HSP90B1: variants seen among roughly 807,000 people sequenced by gnomAD.
The protein encoded by HSP90B1 is heat shock protein 90 beta family member 1, also known as endoplasmin.
A neutral mutation model predicts 100.4 loss-of-function variants in HSP90B1; 27 were observed. That is an observed-to-expected ratio of 0.27 (90% CI 0.20 to 0.37). HSP90B1 has a LOEUF of 0.37. HSP90B1 is among the 10% of genes least tolerant of loss of function. The pLI, the probability that HSP90B1 is intolerant of heterozygous loss-of-function variation, is 1.00. For synonymous variants in HSP90B1, 304 were observed against 330.8 expected, an observed-to-expected ratio of 0.92 and a Z score of 0.88; for missense variants, 678 against 960.5, an observed-to-expected ratio of 0.71 and a Z score of 3.89.
chr12:103,938,530 A>ATGC, intron 7 of HSP90B1, 71 bp downstream of exon 7: 1 of 1,522,282 alleles, frequency 6.6e-7, no homozygotes, highest in Non-Finnish European at 8.8e-7. Flanking sequence ...AAACCTAAGT[A>ATGC]TGCACTGGCT....
chr12:103,935,982 A>C (rs1869903355), intron 5 of HSP90B1, among the ~76,000 whole-genome samples: 1 of 152,246 alleles, frequency 6.6e-6, no homozygotes. Flanking sequence ...GCTAACACCT[A>C]TCCAGGACCT....
At chr12:103,932,693 T>C (rs1470500021) in intron 3 of HSP90B1, 133 bp from the exon 4 acceptor site, 1 of 682,944 alleles carries the variant, frequency 1.5e-6, no homozygotes, top group Non-Finnish European at 2.6e-6. Flanking sequence ...ATTGCATACC[T>C]GAAGATCACT....
Position 103,947,321 on chromosome 12 carries a change from A to G in HSP90B1, c.2273A>G (p.Glu758Gly), listed in dbSNP as rs755787354. 3 of 1,596,290 alleles carry G rather than the reference A, an allele frequency of 1.9e-6. No homozygotes were observed. The highest frequency in any genetic ancestry group is 2.6e-6 in the Non-Finnish European group (3 of 1,173,824). Residue 758 changes from glutamate to glycine, a missense_variant, in exon 17 of 18, where the codon GAG (glutamate) becomes GGG (glycine). Glu to Gly is a moderately conservative substitution (Grantham distance 98, BLOSUM62 -2). Coordinates refer to ENST00000299767, the MANE Select transcript of HSP90B1 (RefSeq NM_003299.3). ...NIDPDAKVEE[E>G]PEEEPEETAE... ...AAATGTTGTGTTTAGGTGGAAGAAG[A>G]GCCCGAAGAAGAACCTGAAGAGACA...
intron 8 of HSP90B1, among the ~76,000 whole-genome samples, chr12:103,940,027 G>T (rs1267977762): frequency 6.6e-6 from 1 of 152,176 alleles, no homozygotes; most frequent in Non-Finnish European, 1.5e-5. Flanking sequence ...CAGTTTTATG[G>T]CTGTTTAAAC....
rs775135560 is a variant in HSP90B1 at position 103,941,514 on chromosome 12, C to T, written c.1197C>T (p.Asp399=). ...CATCTGCTCCACGTGGTCTGTTTGA[C>T]GAATATGGATCTAAAAAGAGCGATT... ...VPTSAPRGLF[D]EYGSKKSDYI... Residue 399 remains aspartate, a synonymous_variant, in exon 9 of 18, where the codon GAC becomes GAT. Transcript: ENST00000299767. 3.7e-5 allele frequency: 60 copies of T among 1,613,910 alleles called. No individual in the cohort carries two copies. Among genetic ancestry groups the T allele is most frequent in the Admixed American group, 5.0e-5 (3 of 59,990 alleles).
intron 11 of HSP90B1, 74 bp from the exon 12 acceptor site, chr12:103,942,453 C>A: frequency 7.1e-7 from 1 of 1,399,560 alleles, no homozygotes; most frequent in Non-Finnish European, 9.9e-7. Context: ...TTTTCACACT[C>A]CTGCCTGGGT....
chr12:103,946,990 C>A (rs1483422644), intron 16 of HSP90B1, 49 bp downstream of exon 16: 2 of 1,576,204 alleles, frequency 1.3e-6, no homozygotes, highest in Non-Finnish European at 1.7e-6. Flanking sequence ...TTCTTTGTTT[C>A]TGTTCTTTCA....
At chr12:103,940,210 A>G (rs1342511324) in intron 8 of HSP90B1, among the ~76,000 whole-genome samples, 1 of 152,242 alleles carries the variant, frequency 6.6e-6, no homozygotes, top group Non-Finnish European at 1.5e-5. Flanking sequence ...CAAAACCCGT[A>G]AAACATGAAA....
At chr12:103,947,013 C>T in intron 16 of HSP90B1, 72 bp downstream of exon 16, 1 of 1,476,032 alleles carries the variant, frequency 6.8e-7, no homozygotes, top group Non-Finnish European at 9.2e-7. Flanking sequence ...ATAGGCCTCT[C>T]ATGATTGAGG....
In HSP90B1 at chr12:103,938,188, A is replaced by T. The variant is rs1869971142; in HGVS notation, c.856-152A>T. On this transcript the variant is annotated intron_variant, in intron 6 of 17. Coordinates refer to ENST00000299767, the MANE Select transcript of HSP90B1 (RefSeq NM_003299.3). ...TCTGTCTCAAAAAAAAAAAAAAAGA[A>T]TGAAGGCAAAATGTGGTCTATTAGT... The T allele has an allele frequency of 8.4e-6, 5 of 594,162 alleles. No homozygotes were observed. The East Asian group carries it at 1.7e-4, about 20-fold the overall frequency. The allele number at this position is 594,162 out of a possible 1,614,324, so 36.8% of individuals were successfully genotyped here.
rs879144648 is a variant in HSP90B1, at chr12:103,947,630, C to T, written c.2383-3C>T. 1.3e-6 allele frequency: 2 copies of T among 1,580,166 alleles called. No individual in the cohort carries two copies. Among genetic ancestry groups the T allele is most frequent in the Non-Finnish European group, 1.7e-6 (2 of 1,159,524 alleles). ...CTTCTGGGTTTTTTTTATTTATTTA[C>T]AGGAATCTACAGCTGAAAAAGATGA... On this transcript the variant is annotated splice_polypyrimidine_tract_variant and splice_region_variant and intron_variant, in intron 17 of 17. Coordinates refer to ENST00000299767, the MANE Select transcript of HSP90B1 (RefSeq NM_003299.3).
chr12:103,931,491 T>A, intron 1 of HSP90B1, 30 bp from the exon 2 acceptor site: 1 of 1,532,902 alleles, frequency 6.5e-7, no homozygotes, highest in Non-Finnish European at 9.0e-7. Flanking sequence ...AAGTGTGATG[T>A]TGAAGAGTTT....
At position 103,943,117 on chromosome 12, in the gene HSP90B1, A is replaced by G. The variant is rs781232223; in HGVS notation, c.1688A>G (p.Tyr563Cys). The stretch of plus-strand genomic sequence containing the variant: ...GTTGAGCGACTTCTGAAAAAGGGCT[A>G]TGAAGTTATTTACCTCACAGAACCT... ...PFVERLLKKG[Y>C]EVIYLTEPVD... is the part of the protein sequence containing the mutation. The change falls in exon 13 of 18, where the codon TAT becomes TGT. Residue 563 changes from tyrosine to cysteine, a missense_variant. Physicochemically the swap from Tyr to Cys is radical, Grantham distance 194 (BLOSUM62 -2). This residue lies in a region of HSP90B1 where 170 missense variants were observed against 236.7 expected (regional missense o/e 0.72). Coordinates refer to ENST00000299767, the MANE Select transcript of HSP90B1 (RefSeq NM_003299.3). This position sits in a 1 kb window ranked among gnomAD's most constrained non-coding sequence, Gnocchi z 5.3. 3 of 1,614,060 alleles carry G rather than the reference A, an allele frequency of 1.9e-6. No homozygotes were observed. Among genetic ancestry groups the G allele is most frequent in the Admixed American group, 1.7e-5 (1 of 60,000 alleles).
intron 8 of HSP90B1, among the ~76,000 whole-genome samples, chr12:103,940,587 C>A (rs750909763): frequency 2.0e-5 from 3 of 152,064 alleles, no homozygotes; most frequent in Non-Finnish European, 2.9e-5. Context: ...ACTTTTATTT[C>A]CATAAACTCT....
Position 103,932,398 on chromosome 12 carries a change from T to G in HSP90B1, c.274T>G (p.Ser92Ala). Residue 92 changes from serine to alanine, a missense_variant, in exon 3 of 18, where the codon TCA (serine) becomes GCA (alanine). Transcript: ENST00000299767. ...CAGAATGATGAAACTTATCATCAAT[T>G]CATTGTATAAAAATAAAGAGGTAAG... ...VNRMMKLIIN[S>A]LYKNKEIFLR... 1.2e-6 allele frequency: 2 copies of G among 1,611,818 alleles called. No homozygotes were observed. The highest frequency in any genetic ancestry group is 1.7e-6 in the Non-Finnish European group (2 of 1,178,912).
chr12:103,933,364 G>GT (rs1869820126), intron 4 of HSP90B1, among the ~76,000 whole-genome samples: 1 of 152,244 alleles, frequency 6.6e-6, no homozygotes, highest in African/African-American at 2.4e-5. Flanking sequence ...CCTGGAGTGT[G>GT]TAGCCGGTTG....
At chr12:103,931,757 T>G in intron 2 of HSP90B1, 134 bp downstream of exon 2, 1 of 707,790 alleles carries the variant, frequency 1.4e-6, no homozygotes, top group African/African-American at 1.8e-5. Context: ...CGGTGAGTTG[T>G]GTGCATACAT....
chr12:103,932,116 T>C, intron 2 of HSP90B1, 161 bp from the exon 3 acceptor site: 1 of 557,980 alleles, frequency 1.8e-6, no homozygotes, highest in African/African-American at 1.9e-5. Context: ...AGCCTACTGC[T>C]GTGCTAACAT....
chr12:103,939,549 T>C lies in HSP90B1; in HGVS notation c.1016T>C (p.Ile339Thr), dbSNP rs1261827213. ...TGGGACTGGGAACTTATGAATGATA[T>C]CAAACCAATATGGCAGAGACCATCA... ...TVWDWELMND[I>T]KPIWQRPSKE... is the part of the protein sequence containing the mutation. The change falls in exon 8 of 18, where the codon ATC (isoleucine) becomes ACC (threonine). Residue 339 changes from isoleucine to threonine, a missense_variant. This residue lies in a region of HSP90B1 where 238 missense variants were observed against 346.7 expected (regional missense o/e 0.69). Transcript: ENST00000299767. The C allele has an allele frequency of 1.3e-6, 2 of 1,580,750 alleles. No homozygotes were observed. The highest frequency in any genetic ancestry group is 2.3e-5 in the South Asian group (2 of 85,668).
Sources: gnomAD v4.1 joint callset for allele counts (sites outside exome capture counted in the v4.1 genomes callset) on GRCh38, gnomAD v4.1.1 for gene constraint, gnomAD v4.1.1 regional missense constraint, Gnocchi (gnomAD v3.1) non-coding constraint, MANE v1.5 for transcripts, NCBI Gene and HGNC (gene_info 2026-07-23, HGNC 2026-07-21) for gene names.